TPP1: variants seen among roughly 807,000 people sequenced by gnomAD.
The protein encoded by TPP1 is tripeptidyl-peptidase 1.
TPP1 carries 43 observed loss-of-function variants against 67.6 expected under a neutral mutation model. The ratio of observed to expected loss-of-function variants is 0.64; its 90% CI spans 0.50 to 0.82. TPP1 has a LOEUF of 0.82. Ranked by LOEUF, TPP1 falls within the 40% of genes least tolerant of loss-of-function variation. The pLI is 0.00. For synonymous variants in TPP1, 272 were observed against 281.5 expected (o/e 0.97, Z 0.34); for missense variants, 671 against 710.9 (o/e 0.94, Z 0.64).
rs1186547172 is a variant in TPP1, at chr11:6,615,487, G to A, written c.1221C>T (p.Ile407=). The A allele has an allele frequency of 2.5e-6, 4 of 1,614,176 alleles. No homozygotes were observed. In the South Asian group the frequency reaches 4.4e-5, roughly 18 times the overall value. Residue 407 remains isoleucine (I), a synonymous_variant, in exon 10 of 13, where the codon ATC becomes ATT. Transcript: ENST00000299427. ...ACACATTGCTGAAGCCACCACCACT[G>A]ATATAGTCAACAATTTCATTTGTGA... ...FLITNEIVDY[I]SGGGFSNVFP...
intron 2 of TPP1, 39 bp downstream of exon 2, chr11:6,619,157 G>A: frequency 7.4e-6 from 12 of 1,611,188 alleles, no homozygotes; most frequent in Admixed American, 1.7e-5. Flanking sequence ...GGCAGAACAG[G>A]GTATGGGGAA....
rs747124374 is a variant in TPP1, at chr11:6,617,054, G to A, written c.608C>T (p.Ser203Phe). The change falls in exon 6 of 13, where the codon TCT (serine) becomes TTT (phenylalanine). Residue 203 changes from serine to phenylalanine, a missense_variant. Coordinates refer to ENST00000299427, the MANE Select transcript of TPP1 (RefSeq NM_000391.4). ...CAAGTTGTATCGCTTACGGATCACA[G>A]AGGGGGTTACCCCCAGATGCAGGCC... is the stretch of plus-strand genomic sequence containing the variant. ...TVGLHLGVTP[S>F]VIRKRYNLTS... 6.2e-7 allele frequency: 1 copy of A among 1,614,166 alleles called. No individual in the cohort carries two copies. The highest frequency in any genetic ancestry group is 8.5e-7 in the Non-Finnish European group (1 of 1,180,020).
intron 8 of TPP1, 23 bp downstream of exon 8, chr11:6,616,292 C>CT: frequency 3.1e-6 from 5 of 1,612,716 alleles, no homozygotes; most frequent in Non-Finnish European, 4.2e-6. Context: ...TAAGCATTGT[C>CT]TAAGTTTAGG....
intron 3 of TPP1, 173 bp from the exon 4 acceptor site, chr11:6,617,949 G>T: frequency 2.4e-6 from 2 of 825,490 alleles, no homozygotes; most frequent in South Asian, 1.6e-5. Context: ...AGGCTGGAGA[G>T]ACTTGAAATG....
In TPP1 at chr11:6,614,805, T is replaced by C. The variant is rs867999065; in HGVS notation, c.1551+61A>G. ...CCACACCACCCTAACTGCCCCCAAG[T>C]CCCCCTTAGCACTCCCCATAGTTGT... On this transcript the variant is annotated intron_variant, in intron 12 of 12. Coordinates refer to ENST00000299427, the MANE Select transcript of TPP1 (RefSeq NM_000391.4). The C allele has an allele frequency of 8.7e-6, 14 of 1,613,612 alleles. No individual in the cohort carries two copies. In the East Asian group the frequency reaches 3.1e-4, roughly 36 times the overall value.
Position 6,615,268 on chromosome 11 carries a change from T to G in TPP1, c.1328A>C (p.Asn443Thr). The G allele has an allele frequency of 6.2e-7, 1 of 1,614,130 alleles. No individual in the cohort carries two copies. The highest frequency in any genetic ancestry group is 8.5e-7 in the Non-Finnish European group (1 of 1,180,030). The change falls in exon 11 of 13, where the codon AAT (asparagine) becomes ACT (threonine). Residue 443 changes from asparagine (N) to threonine (T), a missense_variant. Physicochemically the swap from Asn to Thr is moderately conservative, Grantham distance 65. Transcript: ENST00000299427. The part of the protein sequence containing the change: ...SPHLPPSSYF[N>T]ASGRAYPDVA... ...ATCTGGGTAGGCACGGCCACTGGCA[T>G]TGAAGTAACTGGATGGTGGCAGGTG...
intron 2 of TPP1, 90 bp downstream of exon 2, chr11:6,619,106 C>G: frequency 6.5e-7 from 1 of 1,541,098 alleles, no homozygotes; most frequent in Non-Finnish European, 8.9e-7. Context: ...GTACTAGGAG[C>G]TGGCACGGGG....
Position 6,617,320 on chromosome 11 carries a change from C to T in TPP1, c.489G>A (p.Leu163=), listed in dbSNP as rs756202166. The part of the protein sequence containing the change: ...SPHPYQLPQA[L]APHVDFVGGL... ...TGTTACCAAAGTCCACATGGGGGGC[C>T]AAGGCCTGTGGAAGCTGGTAGGGAT... Residue 163 remains leucine, a synonymous_variant, in exon 5 of 13, where the codon TTG becomes TTA. Transcript: ENST00000299427. 2 of 1,614,132 alleles carry T rather than the reference C, an allele frequency of 1.2e-6. No individual in the cohort carries two copies. Among genetic ancestry groups the T allele is most frequent in the Non-Finnish European group, 1.7e-6 (2 of 1,180,016 alleles).
intron 3 of TPP1, chr11:6,618,442 A>G (rs1423761818): frequency 1.9e-6 from 1 of 539,298 alleles, no homozygotes; most frequent in Non-Finnish European, 3.3e-6. Flanking sequence ...GGTCGTAACA[A>G]AAGACGGCAA....
At chr11:6,615,130 G>C in intron 11 of TPP1, 41 bp downstream of exon 11, 1 of 1,614,148 alleles carries the variant, frequency 6.2e-7, no homozygotes, top group Non-Finnish European at 8.5e-7. Flanking sequence ...GGGGGTAAGG[G>C]TAGTTCCTGA....
chr11:6,617,902 G>T, intron 3 of TPP1, 126 bp from the exon 4 acceptor site: 1 of 1,310,574 alleles, frequency 7.6e-7, no homozygotes, highest in Non-Finnish European at 1.1e-6. Context: ...GGCTATGTGT[G>T]CAGGTGTAGG....
At chr11:6,616,198 A>C (rs1235542623) in intron 8 of TPP1, 117 bp downstream of exon 8, 3 of 1,578,662 alleles carry the variant, frequency 1.9e-6, no homozygotes, top group Non-Finnish European at 2.6e-6. Context: ...AGTGGTCCCT[A>C]CTGGAAGGTC....
In TPP1 at chr11:6,616,794, A is replaced by G. The variant is rs752859219; in HGVS notation, c.753T>C (p.Phe251=). The part of the protein sequence containing the change: ...AQFMRLFGGN[F]AHQASVARVV... Reference sequence around the variant, plus strand: ...CACGGGCTACTGATGCCTGATGTGCAAAGTTGCCACCGAAGAGGCGCATGA... The same window carrying G: ...CACGGGCTACTGATGCCTGATGTGCGAAGTTGCCACCGAAGAGGCGCATGA... Residue 251 remains phenylalanine, a synonymous_variant, in exon 7 of 13, where the codon TTT becomes TTC. Transcript: ENST00000299427. 1.2e-6 allele frequency: 2 copies of G among 1,613,956 alleles called. No individual in the cohort carries two copies. Among genetic ancestry groups the G allele is most frequent in the South Asian group, 2.2e-5 (2 of 91,086 alleles).
intron 8 of TPP1, 110 bp downstream of exon 8, chr11:6,616,205 G>A: frequency 6.3e-7 from 1 of 1,582,112 alleles, no homozygotes; most frequent in African/African-American, 1.3e-5. Flanking sequence ...CCTACTGGAA[G>A]GTCTGAGTTC....
intron 3 of TPP1, chr11:6,618,414 G>T: frequency 2.1e-6 from 1 of 487,394 alleles, no homozygotes; most frequent in Non-Finnish European, 3.7e-6. Flanking sequence ...TCCAGGAGTG[G>T]GAATAAATAA....
rs1855574210 is a variant in TPP1, at chr11:6,615,999, A to G, written c.1145+6T>C. ...TTATACCTGAGTGGTAGGCTAGAGT[A>G]CTTACCTGGAGGCAGGGAAGGTAGG... On this transcript the variant is annotated splice_donor_region_variant and intron_variant, in intron 9 of 12. Coordinates refer to ENST00000299427, the MANE Select transcript of TPP1 (RefSeq NM_000391.4). 6.2e-7 allele frequency: 1 copy of G among 1,614,066 alleles called. No individual in the cohort carries two copies. Among genetic ancestry groups the G allele is most frequent in the Non-Finnish European group, 8.5e-7 (1 of 1,179,896 alleles).
chr11:6,619,041 G>C, intron 2 of TPP1, 126 bp from the exon 3 acceptor site: 2 of 1,489,330 alleles, frequency 1.3e-6, no homozygotes, highest in Non-Finnish European at 1.9e-6. Context: ...CAGATCACAT[G>C]AGGTGAATGA....
At chr11:6,616,595 T>G in intron 7 of TPP1, 66 bp downstream of exon 7, 1 of 1,611,384 alleles carries the variant, frequency 6.2e-7, no homozygotes, top group Non-Finnish European at 8.5e-7. Context: ...AGCATTCCCT[T>G]GAGGGAGCAG....
At chr11:6,619,171 G>A (rs1855631262) in intron 2 of TPP1, 25 bp downstream of exon 2, 1 of 1,613,624 alleles carries the variant, frequency 6.2e-7, no homozygotes, top group African/African-American at 1.3e-5. Context: ...TGGGGAAGGG[G>A]GCAGTCTGTG....
Sources: allele counts gnomAD v4.1 joint callset, GRCh38; gene constraint gnomAD v4.1.1; transcripts MANE v1.5; gene names NCBI Gene and HGNC (gene_info 2026-07-23, HGNC 2026-07-21).